CUL3: variants seen among roughly 807,000 people sequenced by gnomAD.
CUL3 encodes the protein cullin 3.
A neutral mutation model predicts 89.1 loss-of-function variants in CUL3; 19 were observed. That is an observed-to-expected ratio of 0.21 (90% confidence interval 0.15 to 0.31). CUL3 has a LOEUF of 0.31. Ranked by LOEUF, CUL3 falls within the 10% of genes least tolerant of loss-of-function variation. The probability of loss-of-function intolerance (pLI) is 1.00; values close to 1 mark genes in which losing one functional copy is unlikely to be tolerated. For missense variants in CUL3, 469 were observed against 942.3 expected (o/e 0.50, Z 6.58); for synonymous variants, 351 against 308.4 (o/e 1.14, Z -1.45).
intron 1 of CUL3, chr2:224,569,640 C>A: frequency 1.0e-6 from 1 of 966,506 alleles, no homozygotes; most frequent in Non-Finnish European, 1.3e-6. Flanking sequence ...AAAAATATAA[C>A]CTTCAAAATG....
At chr2:224,553,136 T>C (rs1694576986) in intron 2 of CUL3, among the ~76,000 whole-genome samples, 1 of 152,214 alleles carries the variant, frequency 6.6e-6, no homozygotes. Context: ...GTCCTACCTA[T>C]CAGTTAATAG....
intron 11 of CUL3, among the ~76,000 whole-genome samples, chr2:224,498,944 T>C (rs1431160474): frequency 6.6e-6 from 1 of 152,214 alleles, no homozygotes; most frequent in Non-Finnish European, 1.5e-5. Flanking sequence ...ACAGCAGGAA[T>C]AGCACCAGAA....
At chr2:224,513,252 G>A (rs952367696) in intron 5 of CUL3, among the ~76,000 whole-genome samples, 7 of 152,056 alleles carry the variant, frequency 4.6e-5, no homozygotes, top group African/African-American at 1.7e-4. Flanking sequence ...CTACACAGGG[G>A]CGTCAGCATC....
chr2:224,551,427 G>C (rs768388974), intron 2 of CUL3, among the ~76,000 whole-genome samples: 1 of 151,812 alleles, frequency 6.6e-6, no homozygotes, highest in African/African-American at 2.4e-5. Flanking sequence ...GGATGGTCTC[G>C]ATCTCCTGAC....
chr2:224,495,045 C>T (rs1692114989), intron 13 of CUL3: 1 of 150,882 alleles, frequency 6.6e-6, no homozygotes, highest in East Asian at 2.0e-4. Flanking sequence ...AGTAAGAAAA[C>T]AACTCAAAAA....
intron 1 of CUL3, among the ~76,000 whole-genome samples, chr2:224,575,086 G>C (rs1695268687): frequency 2.0e-5 from 3 of 152,194 alleles, no homozygotes; most frequent in African/African-American, 4.8e-5. Context: ...GAATAAAGAT[G>C]CAGATTAAAT....
chr2:224,472,050 T>C lies in CUL3; in HGVS notation c.*2195A>G, dbSNP rs886055688. ...CCTTTATGACCTAAAATAATACTTATGCAGTCAAACATATAAACATTTTGT... is the reference window on the plus strand; with the variant it reads ...CCTTTATGACCTAAAATAATACTTACGCAGTCAAACATATAAACATTTTGT... On this transcript the variant is annotated 3_prime_UTR_variant, in exon 16 of 16. Coordinates refer to ENST00000264414, the MANE Select transcript of CUL3 (RefSeq NM_003590.5). 12 of 231,212 alleles carry C rather than the reference T, an allele frequency of 5.2e-5. No homozygotes were observed. The highest frequency in any genetic ancestry group is 1.3e-4 in the African/African-American group (6 of 45,370). 14.3% of individuals were successfully genotyped at this position (231,212 alleles called of 1,614,324 possible).
At chr2:224,508,523 T>C (rs1196136537) in intron 6 of CUL3, among the ~76,000 whole-genome samples, 2 of 152,234 alleles carry the variant, frequency 1.3e-5, no homozygotes, top group Non-Finnish European at 2.9e-5. Flanking sequence ...TGCTTAGATA[T>C]TACATGTTGT....
intron 2 of CUL3, among the ~76,000 whole-genome samples, chr2:224,553,111 C>A (rs914706119): frequency 2.0e-5 from 3 of 152,158 alleles, no homozygotes; most frequent in African/African-American, 7.2e-5. Context: ...CCTTAGGAAA[C>A]AAACATGTCA....
intron 3 of CUL3, among the ~76,000 whole-genome samples, chr2:224,522,355 A>G (rs1000692735): frequency 7.2e-5 from 11 of 152,244 alleles, no homozygotes; most frequent in African/African-American, 2.7e-4. Context: ...CGAAGTTTAA[A>G]GAACTTTCTC....
At position 224,506,870 on chromosome 2, in the gene CUL3, A is replaced by T. The variant is rs1445444538; in HGVS notation, c.1017T>A (p.Val339=). ...VSEEGEGKNP[V]DYIQGLLDLK... is the part of the protein sequence containing the mutation. ...TGGGTTTACTTACCTGGATATAGTC[A>T]ACAGGATTCTTTCCTTCTCCTTCTT... is the stretch of plus-strand genomic sequence containing the variant. The change falls in exon 7 of 16, where the codon GTT becomes GTA. Residue 339 remains valine, a synonymous_variant. Transcript: ENST00000264414. The T allele has an allele frequency of 6.2e-7, 1 of 1,613,442 alleles. No homozygotes were observed. The highest frequency in any genetic ancestry group is 1.1e-5 in the South Asian group (1 of 90,990).
At chr2:224,500,827 T>A (rs1336160797) in intron 10 of CUL3, among the ~76,000 whole-genome samples, 2 of 151,990 alleles carry the variant, frequency 1.3e-5, no homozygotes, top group Non-Finnish European at 2.9e-5. Context: ...TTTCTCCATG[T>A]TGGTCAGGCT....
At chr2:224,492,669 C>G (rs1202798119) in intron 13 of CUL3, among the ~76,000 whole-genome samples, 1 of 152,212 alleles carries the variant, frequency 6.6e-6, no homozygotes, top group Non-Finnish European at 1.5e-5. Context: ...ACCTCAGCAG[C>G]AGCCTGACTA....
At chr2:224,503,438 C>A (rs938347664) in intron 9 of CUL3, among the ~76,000 whole-genome samples, 1 of 152,172 alleles carries the variant, frequency 6.6e-6, no homozygotes, top group Non-Finnish European at 1.5e-5. Flanking sequence ...ATGAATGTAT[C>A]CTGACACACC....
At chr2:224,478,449 A>G in intron 14 of CUL3, 104 bp from the exon 15 acceptor site, 1 of 1,088,766 alleles carries the variant, frequency 9.2e-7, no homozygotes, top group Non-Finnish European at 1.3e-6. Flanking sequence ...AACCAATTTC[A>G]GCCTCTGAAT....
rs543146934 is a variant in CUL3, at chr2:224,541,216, T to C, written c.265-5575A>G. Among the ~76,000 whole-genome samples the C allele has an allele frequency of 2.3e-3, 320 of 141,790 alleles. 3 individuals are homozygous for C. The highest frequency in any genetic ancestry group is 8.3e-3 in the African/African-American group (295 of 35,676). The allele number at this position is 141,790 out of a possible 152,430, so 93.0% of individuals were successfully genotyped here. ...AAACCAAATGACTGTATCCAGAACA[T>C]ATTAAAAAAAAAAAAACTCTTAGAA... On this transcript the variant is annotated intron_variant, in intron 2 of 15. Transcript: ENST00000264414.
At chr2:224,522,689 C>T (rs1053584958) in intron 3 of CUL3, among the ~76,000 whole-genome samples, 6 of 151,926 alleles carry the variant, frequency 3.9e-5, no homozygotes, top group Admixed American at 2.0e-4. Flanking sequence ...ATTAGCCAGG[C>T]GTGGTGGCGG....
intron 3 of CUL3, among the ~76,000 whole-genome samples, chr2:224,516,732 T>C (rs1180314312): frequency 2.0e-5 from 3 of 151,526 alleles, no homozygotes; most frequent in Admixed American, 1.3e-4. Flanking sequence ...CTGCAATCTC[T>C]ACCTCCCAGG....
chr2:224,527,149 A>C (rs1194099747), intron 3 of CUL3, among the ~76,000 whole-genome samples: 4 of 152,200 alleles, frequency 2.6e-5, no homozygotes, highest in Non-Finnish European at 5.9e-5. Context: ...AGTCAGTCAA[A>C]ATGTTGAAGA....
Sources: gnomAD v4.1 joint callset for allele counts (sites outside exome capture counted in the v4.1 genomes callset) on GRCh38, gnomAD v4.1.1 for gene constraint, MANE v1.5 for transcripts, NCBI Gene and HGNC (gene_info 2026-07-23, HGNC 2026-07-21) for gene names.